MALRD1: variants seen among roughly 807,000 people sequenced by gnomAD.
MALRD1 encodes the protein MAM and LDL receptor class A domain containing 1, also known as MAM and LDL-receptor class A domain-containing protein 1.
A neutral mutation model predicts 242.1 loss-of-function variants in MALRD1; 247 were observed. That is an observed-to-expected ratio of 1.02 (90% confidence interval 0.92 to 1.13). The LOEUF is 1.13. Ranked by LOEUF, MALRD1 falls within the 50% of genes most tolerant of loss-of-function variation. The pLI is 0.00. For synonymous variants in MALRD1, 995 were observed against 866.6 expected, an observed-to-expected ratio of 1.15 and a Z score of -2.60; for missense variants, 2,989 against 2,533.1, an observed-to-expected ratio of 1.18 and a Z score of -3.86.
chr10:19,395,316 T>C (rs1016530336), intron 28 of MALRD1, among the ~76,000 whole-genome samples: 54 of 152,280 alleles, frequency 3.5e-4, no homozygotes, highest in African/African-American at 1.2e-3. Flanking sequence ...AGCTTGGTTT[T>C]ATACATTTTT....
intron 32 of MALRD1, among the ~76,000 whole-genome samples, chr10:19,539,007 A>G (rs979066911): frequency 2.0e-5 from 3 of 152,190 alleles, no homozygotes; most frequent in Non-Finnish European, 2.9e-5. Flanking sequence ...TCAGAAAACC[A>G]TTATTGTTAT....
chr10:19,485,322 A>C (rs1397948682), intron 29 of MALRD1, among the ~76,000 whole-genome samples: 10 of 152,160 alleles, frequency 6.6e-5, no homozygotes, highest in Admixed American at 5.9e-4. Context: ...TCCACCCCTA[A>C]ACTTATGAAA....
intron 39 of MALRD1, 141 bp downstream of exon 39, chr10:19,730,922 A>T: frequency 2.5e-6 from 2 of 787,224 alleles, no homozygotes; most frequent in Non-Finnish European, 4.0e-6. Context: ...AGTTATTTCA[A>T]TTGGGGATAG....
At chr10:19,237,996 TAC>T (rs1204992689) in intron 18 of MALRD1, among the ~76,000 whole-genome samples, 1 of 63,644 alleles carries the variant, frequency 1.6e-5, no homozygotes, top group African/African-American at 6.0e-5. Context: ...TGTAATTTTA[TAC>T]AGTTATATAT....
chr10:19,611,670 T>G (rs533208605), intron 35 of MALRD1, among the ~76,000 whole-genome samples: 6 of 152,154 alleles, frequency 3.9e-5, no homozygotes, highest in South Asian at 2.1e-4. Flanking sequence ...CTGGAAATAC[T>G]CAGCCTCTTC....
intron 5 of MALRD1, among the ~76,000 whole-genome samples, chr10:19,119,656 A>G (rs1164765419): frequency 6.6e-6 from 1 of 152,138 alleles, no homozygotes; most frequent in Non-Finnish European, 1.5e-5. Flanking sequence ...CTGATCTTAG[A>G]AGCAGTTTAG....
chr10:19,481,445 T>A (rs141760103), intron 29 of MALRD1, among the ~76,000 whole-genome samples: 1 of 152,208 alleles, frequency 6.6e-6, no homozygotes, highest in South Asian at 2.1e-4. Flanking sequence ...TAATATCAAA[T>A]CATTGGCAGT....
chr10:19,079,201 G>A (rs1835407394), intron 2 of MALRD1, among the ~76,000 whole-genome samples: 1 of 151,432 alleles, frequency 6.6e-6, no homozygotes, highest in African/African-American at 2.4e-5. Context: ...ATTTATTTAA[G>A]GTATTTTCTA....
intron 33 of MALRD1, among the ~76,000 whole-genome samples, chr10:19,590,687 C>T (rs946960978): frequency 1.3e-4 from 20 of 151,936 alleles, no homozygotes; most frequent in East Asian, 1.9e-4. Flanking sequence ...AAAATTAATA[C>T]GTGTATATAT....
chr10:19,420,264 CAGGTAATCGGAATGAGTCAGGGTGGAGT>C (rs1338048293), intron 28 of MALRD1, among the ~76,000 whole-genome samples: 83 of 151,762 alleles, frequency 5.5e-4, no homozygotes, highest in Middle Eastern at 3.4e-3. Context: ...TATGACAGAG[CAGGTAATCGGAATGAGTCAGGGTGGAGT>C]AGGTAATCGG....
intron 38 of MALRD1, among the ~76,000 whole-genome samples, chr10:19,720,672 C>T (rs1366900580): frequency 6.6e-6 from 1 of 152,118 alleles, no homozygotes; most frequent in Non-Finnish European, 1.5e-5. Context: ...CAACTTCCTA[C>T]TTCGTATTTG....
At chr10:19,469,410 ATT>A (rs1047330950) in intron 29 of MALRD1, among the ~76,000 whole-genome samples, 3 of 152,028 alleles carry the variant, frequency 2.0e-5, no homozygotes, top group Non-Finnish European at 4.4e-5. Context: ...ATGCTATTTA[ATT>A]TTGCCACTTT....
chr10:19,445,282 T>C lies in MALRD1; in HGVS notation c.4846-5025T>C, dbSNP rs1834905128. 2.6e-5 allele frequency among the ~76,000 whole-genome samples: 4 copies of C among 152,180 alleles called. No individual in the cohort carries two copies. In the South Asian group the frequency reaches 8.3e-4, roughly 31 times the overall value. ...TCCTTTAGCCCGGAGAAGTTTGTTGTTACCAATCGTCTGAAGCTTACTTCT... is the reference window on the plus strand; with the variant it reads ...TCCTTTAGCCCGGAGAAGTTTGTTGCTACCAATCGTCTGAAGCTTACTTCT... On this transcript the variant is annotated intron_variant, in intron 28 of 39. Coordinates refer to ENST00000454679, the MANE Select transcript of MALRD1 (RefSeq NM_001142308.3).
At position 19,229,445 on chromosome 10, in the gene MALRD1, G is replaced by A. The variant is rs7898804; in HGVS notation, c.2991+19765G>A. 9.6e-3 allele frequency among the ~76,000 whole-genome samples: 1,468 copies of A among 152,222 alleles called. 25 individuals are homozygous for A. The highest frequency in any genetic ancestry group is 0.032 in the African/African-American group (1,325 of 41,550). On this transcript the variant is annotated intron_variant, in intron 18 of 39. Coordinates refer to ENST00000454679, the MANE Select transcript of MALRD1 (RefSeq NM_001142308.3). Reference sequence around the variant, plus strand: ...TTAATTTAGCATTGACAGGAGAGAAGGCAATGGCTCTGCAGCCTCTCTGGG... The same window carrying A: ...TTAATTTAGCATTGACAGGAGAGAAAGCAATGGCTCTGCAGCCTCTCTGGG...
At chr10:19,646,297 A>G (rs1326597142) in intron 36 of MALRD1, among the ~76,000 whole-genome samples, 1 of 152,196 alleles carries the variant, frequency 6.6e-6, no homozygotes, top group Non-Finnish European at 1.5e-5. Flanking sequence ...TGACCAAAAT[A>G]GTTGTAGATC....
chr10:19,523,676 G>A (rs529317724), intron 31 of MALRD1, among the ~76,000 whole-genome samples: 106 of 152,214 alleles, frequency 7.0e-4, no homozygotes, highest in Non-Finnish European at 1.4e-3. Flanking sequence ...ATAGGAAATG[G>A]CAACGAATTT....
intron 18 of MALRD1, among the ~76,000 whole-genome samples, chr10:19,214,656 T>C (rs72786582): frequency 0.065 from 9,954 of 152,282 alleles, 435 homozygotes; most frequent in Middle Eastern, 0.11. Flanking sequence ...TTTTCATCTC[T>C]AAAGAACTGA....
intron 12 of MALRD1, among the ~76,000 whole-genome samples, chr10:19,156,484 G>A (rs1473779443): frequency 3.4e-5 from 5 of 148,606 alleles, no homozygotes; most frequent in African/African-American, 1.2e-4. Flanking sequence ...TTTTTTGAGG[G>A]GAAACTCCAG....
intron 33 of MALRD1, among the ~76,000 whole-genome samples, chr10:19,594,953 A>G (rs944994426): frequency 1.3e-5 from 2 of 152,166 alleles, no homozygotes; most frequent in African/African-American, 4.8e-5. Context: ...TAATATAACC[A>G]AAAACCACCT....
Sources: gnomAD v4.1 joint callset for allele counts (sites outside exome capture counted in the v4.1 genomes callset) on GRCh38, gnomAD v4.1.1 for gene constraint, MANE v1.5 for transcripts, NCBI Gene and HGNC (gene_info 2026-07-23, HGNC 2026-07-21) for gene names.